The following ZNF131 variants were observed in gnomAD, a reference collection of about 807,000 sequenced individuals.
ZNF131 encodes zinc finger and BTB domain containing 35, also known as zinc finger protein 131.
ZNF131 carries 7 observed loss-of-function variants against 60.0 expected under a neutral mutation model. The observed-to-expected ratio is 0.12, with a 90% CI of 0.07 to 0.22. The LOEUF (loss-of-function observed/expected upper bound fraction) is 0.22. ZNF131 is among the 10% of genes least tolerant of loss of function. ZNF131 has a pLI of 1.00. For synonymous variants in ZNF131, 257 were observed against 253.2 expected (o/e 1.01, Z -0.14); for missense variants, 493 against 740.9 (o/e 0.67, Z 3.88).
At chr5:43,139,645 G>A (rs1049557313) in intron 4 of ZNF131, among the ~76,000 whole-genome samples, 1 of 152,100 alleles carries the variant, frequency 6.6e-6, no homozygotes, top group African/African-American at 2.4e-5. Context: ...AAAGGGTTTG[G>A]CTTACAAAGA....
At position 43,172,617 on chromosome 5, in the gene ZNF131, CAA is replaced by C. The variant is rs36072959; in HGVS notation, c.1055-687_1055-686del. On this transcript the variant is annotated intron_variant, in intron 5 of 6. Transcript: ENST00000682664. ...AGCCTAGGTGACAGAGTAAGACTCT[CAA>C]AAAAAAAAAAAAACCCTAATTTATA... Among the ~76,000 whole-genome samples, 744 of 131,114 alleles carry C rather than the reference CAA, an allele frequency of 5.7e-3. 6 individuals carry two copies. The highest frequency in any genetic ancestry group is 0.02 in the African/African-American group (703 of 35,500). 86.0% of individuals were successfully genotyped at this position (131,114 alleles called of 152,430 possible). A position where few individuals can be genotyped will look rare whatever the true frequency, so the allele number is the denominator to read the frequency against.
At chr5:43,124,625 C>G (rs1468147998) in intron 3 of ZNF131, 1 of 152,092 alleles carries the variant, frequency 6.6e-6, no homozygotes, top group Admixed American at 6.6e-5. Context: ...ATAGTGGTTT[C>G]TACTACAAAG....
intron 4 of ZNF131, 27 bp downstream of exon 4, chr5:43,139,336 G>C: frequency 6.3e-7 from 1 of 1,587,566 alleles, no homozygotes; most frequent in South Asian, 1.2e-5. Flanking sequence ...ATGGGGTTCA[G>C]ATAGTCATAT....
In ZNF131 at chr5:43,174,578, C is replaced by T; in HGVS notation, c.1317C>T (p.Leu439=). ...FMQGNELRRH[L]SDAHNISERL... is the part of the protein sequence containing the mutation. ...AAGGAAATGAATTAAGGAGGCATCT[C>T]AGTGATGCTCACAATATTTCAGAGC... is the stretch of plus-strand genomic sequence containing the variant. The change falls in exon 7 of 7, where the codon CTC becomes CTT. Residue 439 remains leucine, a synonymous_variant. Coordinates refer to ENST00000682664, the MANE Select transcript of ZNF131 (RefSeq NM_001330707.2). The T allele has an allele frequency of 6.2e-7, 1 of 1,612,238 alleles. No individual in the cohort carries two copies. Among genetic ancestry groups the T allele is most frequent in the Non-Finnish European group, 8.5e-7 (1 of 1,179,020 alleles).
intron 4 of ZNF131, 119 bp downstream of exon 4, chr5:43,139,428 A>C (rs1746528293): frequency 9.0e-7 from 1 of 1,108,044 alleles, no homozygotes; most frequent in African/African-American, 1.6e-5. Context: ...AGAATTAAGA[A>C]TATTTAAGGA....
In ZNF131 at chr5:43,161,585, A is replaced by G. The variant is rs533081533; in HGVS notation, c.708A>G (p.Pro236=). Residue 236 remains proline, a synonymous_variant, in exon 5 of 7, where the codon CCA becomes CCG. Coordinates refer to ENST00000682664, the MANE Select transcript of ZNF131 (RefSeq NM_001330707.2). The stretch of plus-strand genomic sequence containing the variant: ...GGCAGATTAAAGAAGATGGCTGTCC[A>G]TCTGACCCCACGAGCAAACAGGTAG... ...RKGQIKEDGC[P]SDPTSKQVEG... 7 of 1,614,262 alleles carry G rather than the reference A, an allele frequency of 4.3e-6. No individual in the cohort carries two copies. The highest frequency in any genetic ancestry group is 4.0e-5 in the African/African-American group (3 of 75,076).
Position 43,122,191 on chromosome 5 carries a change from T to G in ZNF131, c.124+14T>G. ...TAATTGTCGACGGTGGGTAGGGCAG[T>G]GGGCAGAGGAGCGAATTTTTGGCTT... On this transcript the variant is annotated intron_variant, in intron 2 of 6. Coordinates refer to ENST00000682664, the MANE Select transcript of ZNF131 (RefSeq NM_001330707.2). 9 of 1,593,822 alleles carry G rather than the reference T, an allele frequency of 5.6e-6. No individual in the cohort carries two copies. The highest frequency in any genetic ancestry group is 7.7e-6 in the Non-Finnish European group (9 of 1,174,312).
chr5:43,168,031 T>G (rs760112958), intron 5 of ZNF131: 3 of 438,592 alleles, frequency 6.8e-6, no homozygotes, highest in South Asian at 5.0e-5. Flanking sequence ...CATCACATGG[T>G]GAGGGAGTTG....
chr5:43,169,891 A>G (rs922729100), intron 5 of ZNF131, among the ~76,000 whole-genome samples: 2 of 151,870 alleles, frequency 1.3e-5, no homozygotes, highest in African/African-American at 2.4e-5. Context: ...TCTGGTTTCA[A>G]GCAATTCTCC....
chr5:43,126,400 C>G (rs1744555489), intron 3 of ZNF131, among the ~76,000 whole-genome samples: 1 of 152,168 alleles, frequency 6.6e-6, no homozygotes, highest in African/African-American at 2.4e-5. Context: ...CCCAGGTGTG[C>G]CATCCATGCC....
At position 43,127,741 on chromosome 5, in the gene ZNF131, G is replaced by A. The variant is rs1744735121; in HGVS notation, c.226+4431G>A. Among the ~76,000 whole-genome samples the A allele has an allele frequency of 6.6e-5, 10 of 152,208 alleles. No homozygotes were observed. In the South Asian group the frequency reaches 1.7e-3, roughly 25 times the overall value. The stretch of plus-strand genomic sequence containing the variant: ...TCAAATCAGATTTGTTGCTATTGAA[G>A]CTAATTGGATCCCAGCTCAGCTTTG... On this transcript the variant is annotated intron_variant, in intron 3 of 6. Transcript: ENST00000682664.
At chr5:43,159,186 T>G (rs1749328625) in intron 4 of ZNF131, among the ~76,000 whole-genome samples, 1 of 152,104 alleles carries the variant, frequency 6.6e-6, no homozygotes, top group South Asian at 2.1e-4. Flanking sequence ...CAAACCTGCC[T>G]AACGTTTTTT....
At chr5:43,131,822 TG>T (rs956799312) in intron 3 of ZNF131, among the ~76,000 whole-genome samples, 1 of 142,616 alleles carries the variant, frequency 7.0e-6, no homozygotes, top group African/African-American at 2.6e-5. Context: ...AAAAAAAAAA[TG>T]GGGGGACTTT....
chr5:43,167,653 A>G (rs1367803540), intron 5 of ZNF131, among the ~76,000 whole-genome samples: 1 of 152,210 alleles, frequency 6.6e-6, no homozygotes, highest in Non-Finnish European at 1.5e-5. Context: ...TTTGGAAAAT[A>G]GTAATGATAA....
chr5:43,166,839 T>A (rs1750428897), intron 5 of ZNF131, among the ~76,000 whole-genome samples: 1 of 151,924 alleles, frequency 6.6e-6, no homozygotes, highest in East Asian at 1.9e-4. Context: ...TTGTATTTTT[T>A]AGTAGAGACG....
At position 43,162,372 on chromosome 5, in the gene ZNF131, AC is replaced by A. The variant is rs113967466; in HGVS notation, c.1054+443del. On this transcript the variant is annotated intron_variant, in intron 5 of 6. Coordinates refer to ENST00000682664, the MANE Select transcript of ZNF131 (RefSeq NM_001330707.2). ...TTTGGGAGGCCGAGGCAGGCGGATC[AC>A]CTGAGGTCAGGTGTTCGAGACCAGC... Among the ~76,000 whole-genome samples, 719 of 141,734 alleles carry A rather than the reference AC, an allele frequency of 5.1e-3. 4 individuals are homozygous for A. The highest frequency in any genetic ancestry group is 0.018 in the African/African-American group (697 of 38,188). The allele number at this position is 141,734 out of a possible 152,430, so 93.0% of individuals were successfully genotyped here.
chr5:43,156,522 C>T (rs1336605398), intron 4 of ZNF131, among the ~76,000 whole-genome samples: 2 of 152,208 alleles, frequency 1.3e-5, no homozygotes, highest in Non-Finnish European at 2.9e-5. Context: ...TGGTTTCAAG[C>T]AGCACAGAAG....
chr5:43,144,126 G>T (rs1215889102), intron 4 of ZNF131, among the ~76,000 whole-genome samples: 2 of 148,914 alleles, frequency 1.3e-5, no homozygotes, highest in Admixed American at 1.3e-4. Flanking sequence ...ATTTCACTGT[G>T]TTAGCCAGGA....
At chr5:43,163,111 T>A (rs550981354) in intron 5 of ZNF131, among the ~76,000 whole-genome samples, 7 of 151,082 alleles carry the variant, frequency 4.6e-5, no homozygotes, top group African/African-American at 1.7e-4. Context: ...AAGCTGGGAC[T>A]ACAGGCGAGC....
Sources: gnomAD v4.1 joint callset for allele counts (sites outside exome capture counted in the v4.1 genomes callset) on GRCh38, gnomAD v4.1.1 for gene constraint, MANE v1.5 for transcripts, NCBI Gene and HGNC (gene_info 2026-07-23, HGNC 2026-07-21) for gene names.